Variants in RNF19A observed in about 807,000 individuals in gnomAD.
RNF19A encodes E3 ubiquitin-protein ligase RNF19A.
A neutral mutation model predicts 75.7 loss-of-function variants in RNF19A; 32 were observed. That is an observed-to-expected ratio of 0.42 (90% CI 0.32 to 0.57). RNF19A has a LOEUF of 0.57. Among genes scored for constraint, RNF19A ranks in the 20% least tolerant of loss-of-function variants. The pLI is 0.10. For synonymous variants in RNF19A, 335 were observed against 345.2 expected, an observed-to-expected ratio of 0.97 and a Z score of 0.33; for missense variants, 782 against 1,036.3, an observed-to-expected ratio of 0.75 and a Z score of 3.37.
chr8:100,283,096 G>A (rs771549899), intron 2 of RNF19A, among the ~76,000 whole-genome samples: 1 of 152,232 alleles, frequency 6.6e-6, no homozygotes, highest in Non-Finnish European at 1.5e-5. Flanking sequence ...GGGAGGCTCA[G>A]AGACAATAAA....
rs1301389817 is a variant in RNF19A at position 100,284,956 on chromosome 8, TTTAC to T, written c.674+2541_674+2544del. Reference sequence around the variant, plus strand: ...CATGAACTGGAAATCAGAACCTTTATTTACCAGTGGCTTTACAAGTAACTTGGTT... The same window carrying T: ...CATGAACTGGAAATCAGAACCTTTATCAGTGGCTTTACAAGTAACTTGGTT... On this transcript the variant is annotated intron_variant, in intron 2 of 9. Coordinates refer to ENST00000341084, the MANE Select transcript of RNF19A (RefSeq NM_183419.4). This position sits in a 1 kb window ranked among gnomAD's most constrained non-coding sequence, Gnocchi z 4.3. Among the ~76,000 whole-genome samples, 4 of 152,112 alleles carry T rather than the reference TTTAC, an allele frequency of 2.6e-5. No individual in the cohort carries two copies. The highest frequency in any genetic ancestry group is 9.6e-5 in the African/African-American group (4 of 41,452).
At position 100,317,920 on chromosome 8, in the gene RNF19A, T is replaced by TC. The variant is rs1198383386; in HGVS notation, c.-242-4549_-242-4548insG. 3.3e-5 allele frequency among the ~76,000 whole-genome samples: 5 copies of TC among 152,156 alleles called. No individual in the cohort carries two copies. The highest frequency in any genetic ancestry group is 1.2e-4 in the African/African-American group (5 of 41,430). ...ACAATAAATTACATGGTCACCCTGG[T>TC]AATGAGCCTCAATGTCAAGGCCAAC... On this transcript the variant is annotated intron_variant, in intron 1 of 3. Coordinates refer to the RNF19A transcript ENST00000519527. The surrounding 1 kb of genome is among the most constrained non-coding windows in gnomAD (Gnocchi z 4.3).
At position 100,305,462 on chromosome 8, in the gene RNF19A, G is replaced by A. The variant is rs193258045; in HGVS notation, c.-94+4405C>T. 1.1e-4 allele frequency among the ~76,000 whole-genome samples: 17 copies of A among 152,264 alleles called. No individual in the cohort carries two copies. The East Asian group carries it at 2.3e-3, about 21-fold the overall frequency. Reference sequence around the variant, plus strand: ...CGCTGTCCAATATGAATAAAAGTACGTAAAGTCACTCATGATAATCTTTCA... The same window carrying A: ...CGCTGTCCAATATGAATAAAAGTACATAAAGTCACTCATGATAATCTTTCA... On this transcript the variant is annotated intron_variant, in intron 1 of 9. Transcript: ENST00000341084.
intron 2 of RNF19A, among the ~76,000 whole-genome samples, chr8:100,285,189 G>C (rs1436985705): frequency 1.3e-5 from 2 of 152,052 alleles, no homozygotes; most frequent in Non-Finnish European, 2.9e-5. Flanking sequence ...GAATAAATGT[G>C]TGTTCAATTT....
At chr8:100,312,590 T>C (rs1053721248), upstream of RNF19A, among the ~76,000 whole-genome samples, 4 of 151,766 alleles carry the variant, frequency 2.6e-5, no homozygotes, top group Admixed American at 6.6e-5. Flanking sequence ...AGACCCTGTC[T>C]CAAGAAAGAA....
intron 1 of RNF19A, among the ~76,000 whole-genome samples, chr8:100,334,549 G>A (rs983737801): frequency 2.0e-5 from 3 of 152,134 alleles, no homozygotes; most frequent in Non-Finnish European, 4.4e-5. Context: ...AGTATCTGGG[G>A]AGCTTTAAAA....
intron 2 of RNF19A, among the ~76,000 whole-genome samples, chr8:100,285,794 A>T (rs1820989378): frequency 6.6e-6 from 1 of 151,946 alleles, no homozygotes; most frequent in Non-Finnish European, 1.5e-5. Flanking sequence ...CACCACGCCC[A>T]GTTGTAGATT....
rs899623694 is a variant in RNF19A at position 100,261,184 on chromosome 8, T to G, written c.1682+358A>C. 6.6e-6 allele frequency among the ~76,000 whole-genome samples: 1 copy of G among 152,034 alleles called. No homozygotes were observed. The highest frequency in any genetic ancestry group is 1.5e-5 in the Non-Finnish European group (1 of 67,992). ...ATCTTGGCTGACTGCAGCCTCCAAC[T>G]CCCAGGCTCAAGTGATCCTCCTACC... On this transcript the variant is annotated intron_variant, in intron 8 of 9. Transcript: ENST00000341084. The surrounding 1 kb of genome is among the most constrained non-coding windows in gnomAD (Gnocchi z 4.4).
intron 2 of RNF19A, among the ~76,000 whole-genome samples, chr8:100,280,508 G>A (rs767459028): frequency 6.6e-6 from 1 of 152,146 alleles, no homozygotes; most frequent in Non-Finnish European, 1.5e-5. Context: ...TTTTTTAAAT[G>A]GAAAAGGTAA....
rs117557913 is a variant in RNF19A, at chr8:100,328,859, A to G, written c.-243+7249T>C. On this transcript the variant is annotated intron_variant, in intron 1 of 3. Coordinates refer to the RNF19A transcript ENST00000519527. ...GAAGAAGCAGGTTATAGACTTGTGCAAAGGGTCTTCTATAAACCAGGTGAG... is the reference window on the plus strand; with the variant it reads ...GAAGAAGCAGGTTATAGACTTGTGCGAAGGGTCTTCTATAAACCAGGTGAG... Among the ~76,000 whole-genome samples, 607 of 152,326 alleles carry G rather than the reference A, an allele frequency of 4.0e-3. 1 individual carries two copies. Among genetic ancestry groups the G allele is most frequent in the Non-Finnish European group, 7.1e-3 (480 of 68,024 alleles).
rs1184046476 is a variant in RNF19A at position 100,323,924 on chromosome 8, A to G, written c.-242-10552T>C. Among the ~76,000 whole-genome samples, 4 of 152,202 alleles carry G rather than the reference A, an allele frequency of 2.6e-5. No homozygotes were observed. The highest frequency in any genetic ancestry group is 9.7e-5 in the African/African-American group (4 of 41,446). On this transcript the variant is annotated intron_variant, in intron 1 of 3. Transcript: ENST00000519527. This position sits in a 1 kb window ranked among gnomAD's most constrained non-coding sequence, Gnocchi z 4.6. ...AGTAAGATTTTTAAATGGTTGGATA[A>G]CTCAGCAAGGGAGAAAAATTTATCT...
At position 100,261,708 on chromosome 8, in the gene RNF19A, C is replaced by T; in HGVS notation, c.1516G>A (p.Gly506Arg). 1 of 1,614,148 alleles carries T rather than the reference C, an allele frequency of 6.2e-7. No individual in the cohort carries two copies. Among genetic ancestry groups the T allele is most frequent in the South Asian group, 1.1e-5 (1 of 91,078 alleles). ...CTGCCAGTCAGCCCACCAACACTTC[C>T]CTCCCCTATGCTTGGGTTGTGTCTT... ...EARHNPSIGE[G>R]SVGGLTGSLS... The change falls in exon 8 of 10, where the codon GGA becomes AGA. Residue 506 changes from glycine (G) to arginine (R), a missense_variant. Gly to Arg is a moderately radical substitution (Grantham distance 125). This residue lies in a region of RNF19A where 442 missense variants were observed against 541.6 expected (regional missense o/e 0.82). Coordinates refer to ENST00000341084, the MANE Select transcript of RNF19A (RefSeq NM_183419.4). The surrounding 1 kb of genome is among the most constrained non-coding windows in gnomAD (Gnocchi z 4.4).
intron 2 of RNF19A, among the ~76,000 whole-genome samples, chr8:100,286,506 G>A (rs1195395279): frequency 6.6e-6 from 1 of 152,154 alleles, no homozygotes; most frequent in African/African-American, 2.4e-5. Flanking sequence ...TGATACCTGG[G>A]AAAATTGGGA....
chr8:100,265,983 G>A (rs1467513846), intron 5 of RNF19A, among the ~76,000 whole-genome samples: 2 of 152,216 alleles, frequency 1.3e-5, no homozygotes, highest in African/African-American at 4.8e-5. Context: ...ACTTAGCACT[G>A]AAGAAGAGAA....
intron 2 of RNF19A, among the ~76,000 whole-genome samples, chr8:100,283,916 G>A (rs2129872162): frequency 6.6e-6 from 1 of 152,170 alleles, no homozygotes; most frequent in Admixed American, 6.5e-5. Flanking sequence ...TCTTATGCCA[G>A]ATTTAAATAA....
intron 1 of RNF19A, among the ~76,000 whole-genome samples, chr8:100,292,435 G>GGT (rs1554671903): frequency 0.24 from 34,474 of 145,158 alleles, 4,373 homozygotes; most frequent in Non-Finnish European, 0.31. Flanking sequence ...CTATCATATG[G>GGT]GTGTGTGTGT....
chr8:100,286,332 T>A (rs548453926), intron 2 of RNF19A, among the ~76,000 whole-genome samples: 11 of 152,228 alleles, frequency 7.2e-5, no homozygotes, highest in Admixed American at 2.6e-4. Flanking sequence ...TTTGTTGTTA[T>A]CTATATTATA....
rs201086737 is a variant in RNF19A at position 100,324,826 on chromosome 8, TTC to T, written c.-243+11280_-243+11281del. On this transcript the variant is annotated intron_variant, in intron 1 of 3. Coordinates refer to the RNF19A transcript ENST00000519527. This position sits in a 1 kb window ranked among gnomAD's most constrained non-coding sequence, Gnocchi z 4.2. ...TCTTTCTTCTTCCTTCCTTCCTTCC[TTC>T]CTCCTTCTTCCTCCCTCCCTCCCTC... 0.013 allele frequency among the ~76,000 whole-genome samples: 1,908 copies of T among 151,986 alleles called. 22 individuals carry two copies. Among genetic ancestry groups the T allele is most frequent in the Non-Finnish European group, 0.018 (1,238 of 67,940 alleles).
intron 1 of RNF19A, among the ~76,000 whole-genome samples, chr8:100,308,060 AT>A (rs1345448571): frequency 4.6e-5 from 7 of 152,154 alleles, no homozygotes; most frequent in African/African-American, 1.7e-4. Flanking sequence ...AGTGGCCACT[AT>A]TTGGTACTAA....
Sources: gnomAD v4.1 joint callset for allele counts (sites outside exome capture counted in the v4.1 genomes callset) on GRCh38, gnomAD v4.1.1 for gene constraint, gnomAD v4.1.1 regional missense constraint, Gnocchi (gnomAD v3.1) non-coding constraint, MANE v1.5 for transcripts, NCBI Gene and HGNC (gene_info 2026-07-23, HGNC 2026-07-21) for gene names.